The following OLFM3 variants were observed in gnomAD, a reference collection of about 807,000 sequenced individuals.
The protein encoded by OLFM3 is olfactomedin 3.
Under a neutral mutation model 48.6 loss-of-function variants are expected in OLFM3, and 20 were observed. The ratio of observed to expected loss-of-function variants is 0.41; its 90% CI spans 0.29 to 0.60. The LOEUF (loss-of-function observed/expected upper bound fraction) is 0.60, where lower values mean the gene tolerates loss of function less well. OLFM3 is among the 20% of genes least tolerant of loss of function. The probability of loss-of-function intolerance (pLI) is 0.28; values close to 1 mark genes in which losing one functional copy is unlikely to be tolerated. For missense variants in OLFM3, 437 were observed against 544.3 expected, an observed-to-expected ratio of 0.80 and a Z score of 1.96; for synonymous variants, 222 against 198.1, an observed-to-expected ratio of 1.12 and a Z score of -1.01.
chr1:101,856,357 AC>A (rs1193943771), intron 1 of OLFM3, among the ~76,000 whole-genome samples: 1 of 151,912 alleles, frequency 6.6e-6, no homozygotes, highest in Non-Finnish European at 1.5e-5. Context: ...AGCCATATAA[AC>A]CCTTTACTTC....
At chr1:101,905,163 T>G (rs1359653460) in intron 1 of OLFM3, among the ~76,000 whole-genome samples, 1 of 152,194 alleles carries the variant, frequency 6.6e-6, no homozygotes, top group Non-Finnish European at 1.5e-5. Flanking sequence ...CTACTCTTAC[T>G]TCTGTGTACA....
At chr1:101,950,427 T>G (rs1660104339) in intron 1 of OLFM3, among the ~76,000 whole-genome samples, 1 of 147,854 alleles carries the variant, frequency 6.8e-6, no homozygotes, top group Admixed American at 6.9e-5. Flanking sequence ...TAGTAATAGA[T>G]TTATCTGCTT....
intron 1 of OLFM3, chr1:101,910,011 T>G: frequency 2.0e-6 from 2 of 985,352 alleles, no homozygotes; most frequent in Non-Finnish European, 2.4e-6. Flanking sequence ...TTTATAATAT[T>G]AAGGTTATTT....
intron 1 of OLFM3, among the ~76,000 whole-genome samples, chr1:101,991,011 AAAAAAATATAT>A (rs1661386889): frequency 9.8e-6 from 1 of 102,378 alleles, no homozygotes; most frequent in Non-Finnish European, 2.0e-5. Flanking sequence ...AAAAAAAAAA[AAAAAAATATAT>A]ATATATATAT....
At chr1:101,914,245 T>A (rs1239621238) in intron 1 of OLFM3, among the ~76,000 whole-genome samples, 2 of 152,326 alleles carry the variant, frequency 1.3e-5, no homozygotes, top group Non-Finnish European at 1.5e-5. Flanking sequence ...TCCTTCTGGA[T>A]AAACTGAATT....
intron 1 of OLFM3, among the ~76,000 whole-genome samples, chr1:101,837,356 T>C (rs151297050): frequency 2.0e-4 from 31 of 152,312 alleles, no homozygotes; most frequent in Non-Finnish European, 3.2e-4. Context: ...CTTAATCACA[T>C]ATGACTCGTC....
intron 1 of OLFM3, among the ~76,000 whole-genome samples, chr1:101,872,508 G>A (rs1216795796): frequency 2.0e-5 from 3 of 151,864 alleles, no homozygotes; most frequent in Admixed American, 2.0e-4. Flanking sequence ...TTCCTTAGAG[G>A]GGATTTGTTT....
intron 3 of OLFM3, among the ~76,000 whole-genome samples, chr1:101,825,701 C>A (rs2100900226): frequency 6.6e-6 from 1 of 152,306 alleles, no homozygotes; most frequent in South Asian, 2.1e-4. Flanking sequence ...CATCCACCTA[C>A]TAAGTATCCA....
At chr1:101,860,184 G>C (rs1043430862) in intron 1 of OLFM3, among the ~76,000 whole-genome samples, 3 of 152,008 alleles carry the variant, frequency 2.0e-5, no homozygotes, top group Non-Finnish European at 2.9e-5. Context: ...AGGGGGTCCA[G>C]AGTTCTTGTC....
chr1:101,850,454 A>T (rs1013983025), intron 1 of OLFM3, among the ~76,000 whole-genome samples: 3 of 152,142 alleles, frequency 2.0e-5, no homozygotes, highest in Non-Finnish European at 4.4e-5. Flanking sequence ...TTTATATAAT[A>T]TTAGCATGTT....
At chr1:101,960,737 G>A (rs998337189) in intron 1 of OLFM3, among the ~76,000 whole-genome samples, 1 of 152,154 alleles carries the variant, frequency 6.6e-6, no homozygotes, top group East Asian at 1.9e-4. Context: ...TTCAGTCAGG[G>A]TATCTCAACC....
At chr1:101,960,719 A>G (rs1231942655) in intron 1 of OLFM3, among the ~76,000 whole-genome samples, 2 of 152,140 alleles carry the variant, frequency 1.3e-5, no homozygotes, top group African/African-American at 4.8e-5. Context: ...CTTAGGCTTT[A>G]TAATATCTTC....
intron 1 of OLFM3, among the ~76,000 whole-genome samples, chr1:101,996,229 T>C (rs1661551337): frequency 6.6e-6 from 1 of 152,158 alleles, no homozygotes; most frequent in African/African-American, 2.4e-5. Context: ...GCAGAGAGTA[T>C]AGCTCTGCTG....
Position 101,890,174 on chromosome 1 carries a change from T to C in OLFM3, c.70-53149A>G, listed in dbSNP as rs551936910. Among the ~76,000 whole-genome samples, 15 of 152,206 alleles carry C rather than the reference T, an allele frequency of 9.9e-5. No individual in the cohort carries two copies. In the East Asian group the frequency reaches 2.9e-3, roughly 29 times the overall value. ...TGATATTGGAAAATAGTTTTAATGATCTTGGAAAATATGATAATTGTTCAT... is the reference window on the plus strand; with the variant it reads ...TGATATTGGAAAATAGTTTTAATGACCTTGGAAAATATGATAATTGTTCAT... On this transcript the variant is annotated intron_variant, in intron 1 of 5. Transcript: ENST00000370103.
At chr1:101,819,209 T>C (rs1654482558) in intron 4 of OLFM3, among the ~76,000 whole-genome samples, 1 of 151,732 alleles carries the variant, frequency 6.6e-6, no homozygotes, top group African/African-American at 2.4e-5. Flanking sequence ...GTCAAGAAGG[T>C]AAAGAAAGCA....
At chr1:101,944,635 T>A (rs1473427434) in intron 1 of OLFM3, among the ~76,000 whole-genome samples, 2 of 152,102 alleles carry the variant, frequency 1.3e-5, no homozygotes, top group African/African-American at 2.4e-5. Context: ...ATCCCAGCAC[T>A]TTGGGAGTCC....
At chr1:101,842,251 G>A (rs566585273) in intron 1 of OLFM3, among the ~76,000 whole-genome samples, 8 of 152,252 alleles carry the variant, frequency 5.3e-5, no homozygotes, top group Non-Finnish European at 1.2e-4. Context: ...ATCAAATTTA[G>A]GTTAGGGTGC....
chr1:101,837,325 T>C (rs1158595598), intron 1 of OLFM3, among the ~76,000 whole-genome samples: 1 of 152,208 alleles, frequency 6.6e-6, no homozygotes, highest in Non-Finnish European at 1.5e-5. Context: ...TTAATGCAAC[T>C]TTAGAAGCAT....
chr1:101,916,521 T>G (rs2101033645), intron 1 of OLFM3, among the ~76,000 whole-genome samples: 1 of 152,284 alleles, frequency 6.6e-6, no homozygotes, highest in East Asian at 1.9e-4. Flanking sequence ...ATTTTTGTGA[T>G]TGTTGACAAT....
Sources: allele counts gnomAD v4.1 joint callset (sites outside exome capture counted in the v4.1 genomes callset), GRCh38; gene constraint gnomAD v4.1.1; transcripts MANE v1.5; gene names NCBI Gene and HGNC (gene_info 2026-07-23, HGNC 2026-07-21).